Variants in LRP1B observed in about 807,000 individuals in gnomAD.
The protein encoded by LRP1B is low-density lipoprotein receptor-related protein 1B.
In LRP1B, 217 loss-of-function variants were observed where a neutral mutation model predicts 556.6. That is an observed-to-expected ratio of 0.39 (90% CI 0.35 to 0.44). The LOEUF (loss-of-function observed/expected upper bound fraction) is 0.44. Ranked by LOEUF, LRP1B falls within the 20% of genes least tolerant of loss-of-function variation. LRP1B has a pLI of 1.00. For synonymous variants in LRP1B, 2,047 were observed against 1,865.8 expected, an observed-to-expected ratio of 1.10 and a Z score of -2.50; for missense variants, 5,053 against 5,620.8, an observed-to-expected ratio of 0.90 and a Z score of 3.23.
intron 7 of LRP1B, among the ~76,000 whole-genome samples, chr2:141,186,491 A>T (rs1440952337): frequency 6.6e-6 from 1 of 152,048 alleles, no homozygotes; most frequent in Non-Finnish European, 1.5e-5. Flanking sequence ...AATGTATTTT[A>T]AAGTGTTCTG....
chr2:140,646,510 T>C (rs1478541305), intron 41 of LRP1B, among the ~76,000 whole-genome samples: 1 of 152,178 alleles, frequency 6.6e-6, no homozygotes, highest in African/African-American at 2.4e-5. Flanking sequence ...AAAACCCAGA[T>C]TCAAAGTGAG....
At chr2:140,504,512 A>G (rs1010447765) in intron 53 of LRP1B, among the ~76,000 whole-genome samples, 1 of 152,122 alleles carries the variant, frequency 6.6e-6, no homozygotes, top group African/African-American at 2.4e-5. Context: ...AATATTACTT[A>G]TCCTCGTTGT....
At chr2:141,316,233 G>A (rs554119106) in intron 3 of LRP1B, among the ~76,000 whole-genome samples, 3 of 152,040 alleles carry the variant, frequency 2.0e-5, no homozygotes, top group Non-Finnish European at 2.9e-5. Context: ...CAGATGCCAC[G>A]TATCCCACAG....
chr2:141,824,918 T>G (rs1696873105), intron 1 of LRP1B, among the ~76,000 whole-genome samples: 1 of 152,180 alleles, frequency 6.6e-6, no homozygotes, highest in Non-Finnish European at 1.5e-5. Flanking sequence ...ATGGTTTCCC[T>G]CTTGCTGTTC....
rs1680796111 is a variant in LRP1B, at chr2:140,238,197, G to T, written c.13515C>A (p.Asn4505Lys). The T allele has an allele frequency of 2.5e-6, 4 of 1,605,214 alleles. No individual in the cohort carries two copies. Among genetic ancestry groups the T allele is most frequent in the Non-Finnish European group, 3.4e-6 (4 of 1,174,408 alleles). The change falls in exon 89 of 91, where the codon AAC becomes AAA. Residue 4505 changes from asparagine (N) to lysine (K), a missense_variant. By Grantham distance (94) the Asn-to-Lys change is moderately conservative (BLOSUM62 0). Around this residue, in one of 5 missense-constraint regions of LRP1B, gnomAD observed 551 missense variants for 592.0 expected, o/e 0.93. Transcript: ENST00000389484. Reference protein sequence around the residue: ...YNMYEVDHDHNDGGLLDPGFM... With the variant: ...YNMYEVDHDHKDGGLLDPGFM... ...AGCCAGGATCTAAAAGACCTCCATC[G>T]TTGTGATCATGATCTACCTCATACA...
At chr2:140,243,237 G>A (rs1681025513) in intron 87 of LRP1B, among the ~76,000 whole-genome samples, 1 of 150,934 alleles carries the variant, frequency 6.6e-6, no homozygotes, top group African/African-American at 2.4e-5. Context: ...AGGAATTTTG[G>A]GGAATCAACA....
intron 66 of LRP1B, among the ~76,000 whole-genome samples, chr2:140,431,205 C>T (rs562680616): frequency 5.9e-5 from 9 of 152,222 alleles, no homozygotes; most frequent in Admixed American, 1.3e-4. Context: ...AAAGGTAGAA[C>T]GGACTAATGA....
At position 141,294,559 on chromosome 2, in the gene LRP1B, C is replaced by CA. The variant is rs112120846; in HGVS notation, c.344-39919dup. Among the ~76,000 whole-genome samples, 954 of 139,424 alleles carry CA rather than the reference C, an allele frequency of 6.8e-3. 19 individuals are homozygous for CA. Among genetic ancestry groups the CA allele is most frequent in the Admixed American group, 0.038 (524 of 13,788 alleles). The allele number at this position is 139,424 out of a possible 152,430, so 91.5% of individuals were successfully genotyped here. ...GCAACATAACAAGACCCTGACTCTA[C>CA]AAAAAAAAAAATAAAGTAAAATAAA... On this transcript the variant is annotated intron_variant, in intron 3 of 90. Coordinates refer to ENST00000389484, the MANE Select transcript of LRP1B (RefSeq NM_018557.3).
chr2:140,628,283 C>T (rs923131296), intron 41 of LRP1B, among the ~76,000 whole-genome samples: 2 of 152,162 alleles, frequency 1.3e-5, no homozygotes, highest in African/African-American at 4.8e-5. Context: ...GTAATCCCCA[C>T]ACTTTGGGAG....
chr2:141,588,166 A>T (rs538560246), intron 2 of LRP1B, among the ~76,000 whole-genome samples: 1 of 152,304 alleles, frequency 6.6e-6, no homozygotes, highest in African/African-American at 2.4e-5. Flanking sequence ...TTGTCCAAAC[A>T]CTGCAATGTG....
intron 20 of LRP1B, among the ~76,000 whole-genome samples, chr2:140,938,789 A>G (rs1695307260): frequency 6.7e-6 from 1 of 150,348 alleles, no homozygotes; most frequent in Admixed American, 6.7e-5. Flanking sequence ...CTTCCCCTAT[A>G]TTATCAACAG....
At chr2:140,997,948 C>A (rs1167013684) in intron 15 of LRP1B, among the ~76,000 whole-genome samples, 1 of 152,008 alleles carries the variant, frequency 6.6e-6, no homozygotes, top group Non-Finnish European at 1.5e-5. Flanking sequence ...GGTACATAAT[C>A]TTCTGTGAGT....
intron 35 of LRP1B, among the ~76,000 whole-genome samples, chr2:140,736,919 G>C (rs1395985307): frequency 6.6e-6 from 1 of 152,086 alleles, no homozygotes; most frequent in Non-Finnish European, 1.5e-5. Flanking sequence ...TACCATGACT[G>C]GCAAGGTTGA....
chr2:141,970,163 C>T (rs1422815962), intron 1 of LRP1B, among the ~76,000 whole-genome samples: 2 of 151,560 alleles, frequency 1.3e-5, no homozygotes, highest in African/African-American at 2.4e-5. Flanking sequence ...GAGATCCTTA[C>T]ATATTTTGCA....
Position 142,115,829 on chromosome 2 carries a change from TCATATATATGTAATATATATATATAC to T in LRP1B, c.82+14793_82+14818del, listed in dbSNP as rs1574703865. Among the ~76,000 whole-genome samples the T allele has an allele frequency of 1.5e-3, 13 of 8,478 alleles. 5 individuals are homozygous for T. Among genetic ancestry groups the T allele is most frequent in the East Asian group, 0.017 (2 of 120 alleles). 5.6% of individuals were successfully genotyped at this position (8,478 alleles called of 152,430 possible). ...ATATATCATATATATGTAATATATA[TCATATATATGTAATATATATATATAC>T]ATATATATATATATGGGGGAAGTGA... On this transcript the variant is annotated intron_variant, in intron 1 of 90. Coordinates refer to ENST00000389484, the MANE Select transcript of LRP1B (RefSeq NM_018557.3).
chr2:140,700,184 A>G, intron 41 of LRP1B, 66 bp downstream of exon 41: 1 of 1,362,192 alleles, frequency 7.3e-7, no homozygotes, highest in South Asian at 1.3e-5. Flanking sequence ...AATTACCACT[A>G]TTATTTCTCT....
At chr2:140,477,003 T>C (rs1688003372) in intron 59 of LRP1B, among the ~76,000 whole-genome samples, 1 of 152,082 alleles carries the variant, frequency 6.6e-6, no homozygotes, top group African/African-American at 2.4e-5. Flanking sequence ...TTATTTTTGT[T>C]ATAGTTTTCT....
intron 2 of LRP1B, among the ~76,000 whole-genome samples, chr2:141,601,134 CT>C (rs1448014314): frequency 2.0e-5 from 3 of 152,106 alleles, no homozygotes; most frequent in Non-Finnish European, 4.4e-5. Flanking sequence ...CTTCACAATA[CT>C]GCAAAAACTC....
chr2:140,296,741 G>T (rs1683619841), intron 84 of LRP1B, among the ~76,000 whole-genome samples: 1 of 152,130 alleles, frequency 6.6e-6, no homozygotes, highest in African/African-American at 2.4e-5. Context: ...TAAGAATTGA[G>T]ATTTGATCAT....
Sources: gnomAD v4.1 joint callset for allele counts (sites outside exome capture counted in the v4.1 genomes callset) on GRCh38, gnomAD v4.1.1 for gene constraint, gnomAD v4.1.1 regional missense constraint, MANE v1.5 for transcripts, NCBI Gene and HGNC (gene_info 2026-07-23, HGNC 2026-07-21) for gene names.